ERG: variants seen among roughly 807,000 people sequenced by gnomAD.
ERG encodes ETS transcription factor ERG, also known as transcriptional regulator ERG.
A neutral mutation model predicts 55.3 loss-of-function variants in ERG; 9 were observed. That is an observed-to-expected ratio of 0.16 (90% CI 0.10 to 0.28). The LOEUF (loss-of-function observed/expected upper bound fraction) is 0.28, where lower values mean the gene tolerates loss of function less well. Among genes scored for constraint, ERG ranks in the 10% least tolerant of loss-of-function variants. The probability of loss-of-function intolerance (pLI) is 1.00; values close to 1 mark genes in which losing one functional copy is unlikely to be tolerated. For synonymous variants in ERG, 223 were observed against 237.3 expected (o/e 0.94, Z 0.55); for missense variants, 434 against 631.6 (o/e 0.69, Z 3.35).
chr21:38,389,652 C>T (rs188154466), intron 9 of ERG, among the ~76,000 whole-genome samples: 97 of 150,998 alleles, frequency 6.4e-4, no homozygotes, highest in Admixed American at 1.5e-3. Context: ...TGAAAGCCAG[C>T]ATGAGCAAAA....
At chr21:38,398,211 G>A (rs1210191711) in intron 6 of ERG, among the ~76,000 whole-genome samples, 4 of 152,106 alleles carry the variant, frequency 2.6e-5, no homozygotes. Flanking sequence ...CAGCCATCAC[G>A]ACGTTCATTC....
At chr21:38,542,384 T>C (rs9984425) in intron 2 of ERG, among the ~76,000 whole-genome samples, 96,786 of 152,144 alleles carry the variant, frequency 0.64, 32,289 homozygotes, top group Non-Finnish European at 0.75. Context: ...TCTCTGTGTG[T>C]ATTTTCCACT....
intron 1 of ERG, among the ~76,000 whole-genome samples, chr21:38,576,886 C>T (rs1204852527): frequency 6.6e-6 from 1 of 152,164 alleles, no homozygotes; most frequent in Non-Finnish European, 1.5e-5. Flanking sequence ...CGTCATGGGG[C>T]CCCTCCTTCC....
chr21:38,391,156 T>C, intron 8 of ERG, 114 bp from the exon 9 acceptor site: 2 of 835,022 alleles, frequency 2.4e-6, no homozygotes, highest in Non-Finnish European at 4.0e-6. Context: ...GCCGAAAATG[T>C]CCTCCAACTC....
At chr21:38,501,639 G>A (rs189973035), upstream of ERG, among the ~76,000 whole-genome samples, 364 of 152,210 alleles carry the variant, frequency 2.4e-3, 1 homozygote, top group African/African-American at 8.4e-3. Flanking sequence ...GCCCCTACCT[G>A]AGGCCCGTCC....
At chr21:38,576,594 T>A (rs1387724539) in intron 1 of ERG, among the ~76,000 whole-genome samples, 1 of 152,192 alleles carries the variant, frequency 6.6e-6, no homozygotes, top group Non-Finnish European at 1.5e-5. Flanking sequence ...TAAAGCAGCA[T>A]GTTCTGACCA....
At chr21:38,549,840 C>T (rs188205635) in intron 2 of ERG, among the ~76,000 whole-genome samples, 25 of 152,224 alleles carry the variant, frequency 1.6e-4, no homozygotes, top group Admixed American at 1.2e-3. Flanking sequence ...TGAGGGGAAG[C>T]GAGTGAGATT....
At chr21:38,417,477 C>T (rs1005487909) in intron 3 of ERG, among the ~76,000 whole-genome samples, 2 of 152,150 alleles carry the variant, frequency 1.3e-5, no homozygotes, top group African/African-American at 4.8e-5. Flanking sequence ...CACTTTAGCA[C>T]CTATTTTAAG....
intron 1 of ERG, among the ~76,000 whole-genome samples, chr21:38,643,090 G>C (rs2060434977): frequency 6.6e-6 from 1 of 152,164 alleles, no homozygotes; most frequent in Admixed American, 6.5e-5. Flanking sequence ...GTTCCAGATA[G>C]CTATCCTCAG....
intron 1 of ERG, among the ~76,000 whole-genome samples, chr21:38,601,285 T>C (rs1356343117): frequency 6.6e-6 from 1 of 152,154 alleles, no homozygotes. Context: ...GAAGGCTCAG[T>C]TGTACACTGT....
At chr21:38,468,984 AAAAAAAAAAAAAAAAAAG>A (rs1009700060) in intron 1 of ERG, among the ~76,000 whole-genome samples, 102 of 102,256 alleles carry the variant, frequency 1.0e-3, no homozygotes, top group Admixed American at 1.3e-3. Flanking sequence ...CTCTGTCTCA[AAAAAAAAAAAAAAAAAAG>A]AAAAAAAAAA....
In ERG at chr21:38,599,391, A is replaced by C. The variant is rs559304816; in HGVS notation, c.-149-14446T>G. The stretch of plus-strand genomic sequence containing the variant: ...AGCTGTGGGGCAATGTCACTGCAAG[A>C]GCCCTTCCGCACCCTCCCATGCATT... On this transcript the variant is annotated intron_variant, in intron 1 of 10. Transcript: ENST00000398910. Among the ~76,000 whole-genome samples the C allele has an allele frequency of 9.7e-4, 148 of 152,288 alleles. 1 individual carries two copies. The highest frequency in any genetic ancestry group is 3.4e-3 in the African/African-American group (142 of 41,564).
At chr21:38,546,573 T>A (rs1363194280) in intron 2 of ERG, among the ~76,000 whole-genome samples, 1 of 152,206 alleles carries the variant, frequency 6.6e-6, no homozygotes, top group African/African-American at 2.4e-5. Context: ...ATTTTTATGA[T>A]ACACAGTTTT....
rs397969203 is a variant in ERG at position 38,646,279 on chromosome 21, TA to T, written c.-150+15378del. Among the ~76,000 whole-genome samples the T allele has an allele frequency of 8.7e-3, 964 of 110,262 alleles. 3 individuals carry two copies. Among genetic ancestry groups the T allele is most frequent in the Non-Finnish European group, 0.012 (613 of 52,792 alleles). The allele number at this position is 110,262 out of a possible 152,430, so 72.3% of individuals were successfully genotyped here. A position where few individuals can be genotyped will look rare whatever the true frequency, so the allele number is the denominator to read the frequency against. On this transcript the variant is annotated intron_variant, in intron 1 of 10. Coordinates refer to the ERG transcript ENST00000398910. Reference sequence around the variant, plus strand: ...CTGGGTGACAGAGGGAGTCTCTGTCTAAAAAAAAAAAAAAAAAAGCAAAACA... The same window carrying T: ...CTGGGTGACAGAGGGAGTCTCTGTCTAAAAAAAAAAAAAAAAAGCAAAACA...
Position 38,392,384 on chromosome 21 carries a change from TG to T in ERG, c.805del (p.Gln269SerfsTer22). 6.4e-7 allele frequency: 1 copy of T among 1,566,046 alleles called. No individual in the cohort carries two copies. The highest frequency in any genetic ancestry group is 1.2e-5 in the South Asian group (1 of 85,226). ...AWTGHGHPTP[Q>X]SKAAQPSPST... Reference sequence around the variant, plus strand: ...GGGAGCCAACACTGTACCTTTCGACTGGGGCGTGGGGTGGCCGTGACCGGTC... The same window carrying T: ...GGGAGCCAACACTGTACCTTTCGACTGGGCGTGGGGTGGCCGTGACCGGTC... On this transcript the variant is annotated frameshift_variant, in exon 7 of 10. Coordinates refer to ENST00000288319, the MANE Select transcript of ERG (RefSeq NM_182918.4). LOFTEE classifies it high-confidence loss of function.
intron 1 of ERG, among the ~76,000 whole-genome samples, chr21:38,592,859 T>C (rs1160556923): frequency 6.6e-6 from 1 of 152,250 alleles, no homozygotes; most frequent in Non-Finnish European, 1.5e-5. Flanking sequence ...TTGGTTGTTA[T>C]TGTGGTTTGG....
intron 1 of ERG, among the ~76,000 whole-genome samples, chr21:38,645,267 T>A (rs531113705): frequency 3.0e-4 from 46 of 152,316 alleles, no homozygotes; most frequent in Non-Finnish European, 4.1e-4. Flanking sequence ...TCAAAGGGAA[T>A]TACCCAGAAA....
At chr21:38,455,397 G>A (rs1160898258) in intron 1 of ERG, among the ~76,000 whole-genome samples, 3 of 152,118 alleles carry the variant, frequency 2.0e-5, no homozygotes, top group East Asian at 1.9e-4. Flanking sequence ...CAAAGGCCAA[G>A]CTCAAGGAGT....
intron 1 of ERG, among the ~76,000 whole-genome samples, chr21:38,631,572 G>C (rs887506190): frequency 7.2e-5 from 11 of 152,046 alleles, no homozygotes; most frequent in African/African-American, 2.7e-4. Context: ...TCCCAATTTT[G>C]ACCTCCCTTT....
Sources: allele counts gnomAD v4.1 joint callset (sites outside exome capture counted in the v4.1 genomes callset), GRCh38; gene constraint gnomAD v4.1.1; transcripts MANE v1.5; gene names NCBI Gene and HGNC (gene_info 2026-07-23, HGNC 2026-07-21).